Variants in NDEL1 observed in about 807,000 individuals in gnomAD.
NDEL1 encodes the protein nudE neurodevelopment protein 1 like 1, also known as nuclear distribution protein nudE-like 1.
NDEL1 carries 9 observed loss-of-function variants against 45.7 expected under a neutral mutation model. The observed-to-expected ratio is 0.20, with a 90% CI of 0.12 to 0.34. NDEL1 has a LOEUF of 0.34. NDEL1 is among the 10% of genes least tolerant of loss of function. The probability of loss-of-function intolerance (pLI) is 1.00; values close to 1 mark genes in which losing one functional copy is unlikely to be tolerated. For synonymous variants in NDEL1, 133 were observed against 158.6 expected, an observed-to-expected ratio of 0.84 and a Z score of 1.21; for missense variants, 306 against 406.2, an observed-to-expected ratio of 0.75 and a Z score of 2.12.
chr17:8,442,777 C>CTTTTTTT (rs34963430), intron 1 of NDEL1, among the ~76,000 whole-genome samples: 120 of 84,034 alleles, frequency 1.4e-3, no homozygotes, highest in Non-Finnish European at 1.7e-3. Context: ...TATTTATTTA[C>CTTTTTTT]TTTTTTTTTT....
intron 8 of NDEL1, chr17:8,464,124 C>G (rs1003862299): frequency 6.6e-6 from 1 of 152,302 alleles, no homozygotes; most frequent in African/African-American, 2.4e-5. Flanking sequence ...GCTCTTCCCC[C>G]TTTTCACTTC....
chr17:8,430,468 A>G (rs1908972335), intron 1 of NDEL1, among the ~76,000 whole-genome samples: 1 of 152,184 alleles, frequency 6.6e-6, no homozygotes, highest in Admixed American at 6.5e-5. Flanking sequence ...GAAGTCCAGC[A>G]TCTTTACTAG....
chr17:8,445,481 C>T (rs1480881760), intron 2 of NDEL1, among the ~76,000 whole-genome samples: 1 of 22,558 alleles, frequency 4.4e-5, no homozygotes, highest in Non-Finnish European at 3.5e-3. Context: ...GCCACGTAGC[C>T]TTACTTTTCA....
intron 7 of NDEL1, among the ~76,000 whole-genome samples, chr17:8,458,548 CTGTGTG>C (rs112741158): frequency 2.7e-5 from 4 of 150,044 alleles, no homozygotes; most frequent in Middle Eastern, 3.4e-3. Flanking sequence ...TCAATTTCTA[CTGTGTG>C]TGTGTGTGTG....
intron 1 of NDEL1, 35 bp from the exon 2 acceptor site, chr17:8,444,225 T>C: frequency 1.5e-6 from 2 of 1,333,978 alleles, no homozygotes; most frequent in Non-Finnish European, 2.2e-6. Context: ...TTCTCTGTTC[T>C]CTAATTTGTT....
chr17:8,446,031 G>A (rs1017805217), intron 3 of NDEL1, 167 bp downstream of exon 3: 1 of 601,438 alleles, frequency 1.7e-6, no homozygotes, highest in Non-Finnish European at 2.5e-6. Context: ...AGGGGAAAAG[G>A]TGGTTTAGAG....
intron 1 of NDEL1, among the ~76,000 whole-genome samples, chr17:8,422,924 C>T (rs1908738532): frequency 6.6e-6 from 1 of 151,914 alleles, no homozygotes; most frequent in African/African-American, 2.4e-5. Flanking sequence ...TTAGTAGAGA[C>T]AGGGTTTCAT....
intron 1 of NDEL1, among the ~76,000 whole-genome samples, chr17:8,424,221 CTTGA>C (rs1207143781): frequency 6.6e-6 from 1 of 152,190 alleles, no homozygotes; most frequent in African/African-American, 2.4e-5. Flanking sequence ...GAGTTAATTG[CTTGA>C]TTCATTTAAC....
chr17:8,450,480 T>C (rs553168974), intron 5 of NDEL1, among the ~76,000 whole-genome samples: 1 of 152,232 alleles, frequency 6.6e-6, no homozygotes, highest in Non-Finnish European at 1.5e-5. Flanking sequence ...AGCAAATAAG[T>C]TGGTGAAGAA....
At chr17:8,469,615 T>C (rs979878018), downstream of NDEL1, among the ~76,000 whole-genome samples, 17 of 152,138 alleles carry the variant, frequency 1.1e-4, no homozygotes, top group African/African-American at 3.9e-4. Flanking sequence ...TCTGATCCCT[T>C]TGGGAAGAGA....
intron 1 of NDEL1, among the ~76,000 whole-genome samples, chr17:8,442,370 A>G (rs1909793481): frequency 6.6e-6 from 1 of 152,240 alleles, no homozygotes; most frequent in South Asian, 2.1e-4. Flanking sequence ...TGGTACTTTG[A>G]AAGTCAAGAG....
In NDEL1 at chr17:8,467,498, C is replaced by T; in HGVS notation, c.*475C>T. On this transcript the variant is annotated 3_prime_UTR_variant, in exon 9 of 9. Coordinates refer to ENST00000334527, the MANE Select transcript of NDEL1 (RefSeq NM_030808.5). The surrounding 1 kb of genome is among the most constrained non-coding windows in gnomAD (Gnocchi z 6.3). The stretch of plus-strand genomic sequence containing the variant: ...TGATCATGTGTCCCCCAACTCCACC[C>T]CTCACAGTTTGGGCCTGTTTCTGGC... 5.7e-6 allele frequency: 2 copies of T among 353,478 alleles called. No individual in the cohort carries two copies. The highest frequency in any genetic ancestry group is 1.0e-5 in the Non-Finnish European group (2 of 197,386). The allele number at this position is 353,478 out of a possible 1,614,324, so 21.9% of individuals were successfully genotyped here.
chr17:8,425,506 C>T (rs1337396541), intron 1 of NDEL1, among the ~76,000 whole-genome samples: 1 of 150,924 alleles, frequency 6.6e-6, no homozygotes, highest in East Asian at 1.9e-4. Context: ...CACCTGAGCC[C>T]AGGAGGTCAA....
At chr17:8,460,503 G>A (rs961059306) in intron 8 of NDEL1, among the ~76,000 whole-genome samples, 4 of 152,178 alleles carry the variant, frequency 2.6e-5, no homozygotes, top group Non-Finnish European at 5.9e-5. Context: ...GTAGAAGACA[G>A]CATCACAATT....
intron 5 of NDEL1, among the ~76,000 whole-genome samples, chr17:8,450,047 C>T (rs12943033): frequency 0.51 from 77,065 of 151,620 alleles, 20,491 homozygotes; most frequent in Middle Eastern, 0.62. Context: ...CTTTGGGAGG[C>T]TGAGGCGGGT....
At chr17:8,429,944 C>T (rs1051792948) in intron 1 of NDEL1, among the ~76,000 whole-genome samples, 3 of 151,856 alleles carry the variant, frequency 2.0e-5, no homozygotes, top group East Asian at 1.9e-4. Context: ...GGATTATGGG[C>T]GATGTGGGAA....
chr17:8,431,618 T>G (rs1368678468), upstream of NDEL1, among the ~76,000 whole-genome samples: 1 of 152,196 alleles, frequency 6.6e-6, no homozygotes, highest in African/African-American at 2.4e-5. Context: ...GTTTGAGGCT[T>G]GAGGCCTCAT....
rs11869225 is a variant in NDEL1 at position 8,424,651 on chromosome 17, G to A, written c.-13+11382G>A. ...TGAGTAGCTGGGACTACGGGCACCC[G>A]CCAACATGCCTGGCTAATTTTTTTT... On this transcript the variant is annotated intron_variant, in intron 1 of 4. Coordinates refer to the NDEL1 transcript ENST00000582812. Among the ~76,000 whole-genome samples, 862 of 152,234 alleles carry A rather than the reference G, an allele frequency of 5.7e-3. 14 individuals carry two copies. Among genetic ancestry groups the A allele is most frequent in the African/African-American group, 0.018 (740 of 41,544 alleles).
Position 8,445,791 on chromosome 17 carries a change from T to G in NDEL1, c.167T>G (p.Val56Gly). The G allele has an allele frequency of 1.9e-6, 3 of 1,594,580 alleles. No individual in the cohort carries two copies. Among genetic ancestry groups the G allele is most frequent in the Non-Finnish European group, 2.6e-6 (3 of 1,172,980 alleles). Residue 56 changes from valine (V) to glycine (G), a missense_variant, in exon 3 of 9, where the codon GTA becomes GGA. Physicochemically the swap from Val to Gly is moderately radical, Grantham distance 109. Around this residue, in one of 3 missense-constraint regions of NDEL1, gnomAD observed 112 missense variants for 148.3 expected, o/e 0.76. Coordinates refer to ENST00000334527, the MANE Select transcript of NDEL1 (RefSeq NM_030808.5). ...ELEAELEAQLVQAEQRNRDLQ... is the reference protein window; with the variant it reads ...ELEAELEAQLGQAEQRNRDLQ... ...GAAGCAGAGTTGGAGGCACAATTAG[T>G]ACAGGCTGAACAAAGAAATAGAGAC... is the stretch of plus-strand genomic sequence containing the variant.
Sources: allele counts gnomAD v4.1 joint callset (sites outside exome capture counted in the v4.1 genomes callset), GRCh38; gene constraint gnomAD v4.1.1; regional missense constraint gnomAD v4.1.1; non-coding constraint Gnocchi (gnomAD v3.1); transcripts MANE v1.5; gene names NCBI Gene and HGNC (gene_info 2026-07-23, HGNC 2026-07-21).